The following KDELR1 variants were observed in gnomAD, a reference collection of about 807,000 sequenced individuals.
KDELR1 encodes the protein ER lumen protein-retaining receptor 1.
KDELR1 carries 16 observed loss-of-function variants against 25.5 expected under a neutral mutation model. The ratio of observed to expected loss-of-function variants is 0.63; its 90% confidence interval spans 0.43 to 0.95. The LOEUF (loss-of-function observed/expected upper bound fraction) is 0.95. Ranked by LOEUF, KDELR1 falls within the 40% of genes least tolerant of loss-of-function variation. The pLI is 0.00. For missense variants in KDELR1, 159 were observed against 265.2 expected, an observed-to-expected ratio of 0.60 and a Z score of 2.78; for synonymous variants, 121 against 115.0, an observed-to-expected ratio of 1.05 and a Z score of -0.33.
intron 3 of KDELR1, chr19:48,387,701 A>AAAAAG: frequency 6.6e-6 from 1 of 152,044 alleles, no homozygotes; most frequent in Admixed American, 6.6e-5. Context: ...AAAAAAAAAA[A>AAAAAG]AAAAGAAATA....
At position 48,391,290 on chromosome 19, in the gene KDELR1, GATTT is replaced by G; in HGVS notation, c.65_68del (p.Lys22ThrfsTer41). On this transcript the variant is annotated frameshift_variant, in exon 1 of 5. Transcript: ENST00000330720. LOFTEE classifies it high-confidence loss of function. ...CACCGGCGCACGAGCGGGACTTCCA[GATTT>G]TGAGCAGTAGCAAGATGATGGCGAG... The G allele has an allele frequency of 6.4e-7, 1 of 1,557,910 alleles. No individual in the cohort carries two copies. Among genetic ancestry groups the G allele is most frequent in the Non-Finnish European group, 8.7e-7 (1 of 1,150,584 alleles).
upstream of KDELR1, among the ~76,000 whole-genome samples, chr19:48,395,651 T>C (rs1970630610): frequency 6.6e-6 from 1 of 151,980 alleles, no homozygotes; most frequent in Admixed American, 6.6e-5. Flanking sequence ...TAGGAATTTC[T>C]GGCACCCTCC....
At chr19:48,390,577 G>GAGAGAGAGAGAGAGAGAC (rs1555890422) in intron 1 of KDELR1, 53 bp from the exon 2 acceptor site, 134 of 980,278 alleles carry the variant, frequency 1.4e-4, no homozygotes, top group East Asian at 1.1e-3. Context: ...GAGAGAGAGA[G>GAGAGAGAGAGAGAGAGAC]AGACAGACAG....
In KDELR1 at chr19:48,384,592, T is replaced by A. The variant is rs1037626285; in HGVS notation, c.352-110A>T. ...GCGAAGGTGGAGAGAAGGAAGGTGA[T>A]CCAGGTGCTGCCAAGTGCCAGACAC... On this transcript the variant is annotated intron_variant, in intron 3 of 4. Transcript: ENST00000330720. The surrounding 1 kb of genome is among the most constrained non-coding windows in gnomAD (Gnocchi z 4.6). 75 of 1,362,158 alleles carry A rather than the reference T, an allele frequency of 5.5e-5. No individual in the cohort carries two copies. Among genetic ancestry groups the A allele is most frequent in the Admixed American group, 1.3e-4 (6 of 46,334 alleles). 84.4% of individuals were successfully genotyped at this position (1,362,158 alleles called of 1,614,324 possible).
At chr19:48,390,985 G>T in intron 1 of KDELR1, 1 of 519,502 alleles carries the variant, frequency 1.9e-6, no homozygotes, top group East Asian at 3.6e-5. Context: ...CGCCTGCCAT[G>T]GTTCCCTGTT....
At chr19:48,392,495 CT>C (rs1156324114), upstream of KDELR1, among the ~76,000 whole-genome samples, 1 of 152,204 alleles carries the variant, frequency 6.6e-6, no homozygotes. Flanking sequence ...TCCTAGGACG[CT>C]GTTCCTTGGA....
chr19:48,391,018 T>C (rs1367837869), intron 1 of KDELR1, among the ~76,000 whole-genome samples: 3 of 151,872 alleles, frequency 2.0e-5, no homozygotes, highest in African/African-American at 4.8e-5. Context: ...ACCCTCGGGC[T>C]GCCCAGATTG....
chr19:48,397,237 G>A, the KDELR1 span, among the ~76,000 whole-genome samples: 8,468 of 152,182 alleles, frequency 0.056, 371 homozygotes, highest in East Asian at 0.2. Flanking sequence ...AGGGTGAGGA[G>A]TAAGGTCATG....
upstream of KDELR1, among the ~76,000 whole-genome samples, chr19:48,392,789 C>T (rs1970575305): frequency 6.6e-6 from 1 of 152,208 alleles, no homozygotes; most frequent in South Asian, 2.1e-4. Context: ...CACACACCCT[C>T]TTCCACCCTC....
intron 3 of KDELR1, among the ~76,000 whole-genome samples, chr19:48,388,931 G>GAAGGAAA (rs1555890279): frequency 0.19 from 27,753 of 146,102 alleles, 3,255 homozygotes; most frequent in African/African-American, 0.3. Context: ...AAAGAAAGAA[G>GAAGGAAA]GAAAGAAAGA....
At chr19:48,391,603 A>AGGGC (rs1970554928), upstream of KDELR1, 1 of 515,068 alleles carries the variant, frequency 1.9e-6, no homozygotes, top group African/African-American at 1.9e-5. Context: ...TCCGCCCCCG[A>AGGGC]GGGCGGGGCC....
Position 48,384,477 on chromosome 19 carries a change from G to C in KDELR1, c.357C>G (p.Leu119=), listed in dbSNP as rs767062278. 1.1e-5 allele frequency: 18 copies of C among 1,612,772 alleles called. No individual in the cohort carries two copies. In the South Asian group the frequency reaches 2.0e-4, roughly 18 times the overall value. ...VNHDFTPLEI[L]WTFSIYLESV... ...ACTCCAGGTAGATGGAGAAGGTCCA[G>C]AGGATCTGCAGAGAGGCCGGGGACA... Residue 119 remains leucine, a synonymous_variant, in exon 4 of 5, where the codon CTC becomes CTG. Transcript: ENST00000330720. This position sits in a 1 kb window ranked among gnomAD's most constrained non-coding sequence, Gnocchi z 4.6.
At position 48,384,305 on chromosome 19, in the gene KDELR1, C is replaced by G; in HGVS notation, c.529G>C (p.Asp177His). 1.2e-6 allele frequency: 2 copies of G among 1,614,180 alleles called. No individual in the cohort carries two copies. Among genetic ancestry groups the G allele is most frequent in the Non-Finnish European group, 1.7e-6 (2 of 1,180,034 alleles). Reference sequence around the variant, plus strand: ...AGGCCTGCCACAATGGCGATGAGGTCGAAGAAGCCCTCGAAATGGTAGCGC... The same window carrying G: ...AGGCCTGCCACAATGGCGATGAGGTGGAAGAAGCCCTCGAAATGGTAGCGC... ...IWRYHFEGFF[D>H]LIAIVAGLVQ... The change falls in exon 4 of 5, where the codon GAC becomes CAC. Residue 177 changes from aspartate to histidine, a missense_variant. By Grantham distance (81) the Asp-to-His change is moderately conservative (BLOSUM62 -1). Coordinates refer to ENST00000330720, the MANE Select transcript of KDELR1 (RefSeq NM_006801.3). The surrounding 1 kb of genome is among the most constrained non-coding windows in gnomAD (Gnocchi z 4.6).
At chr19:48,394,460 T>TG (rs934981648), upstream of KDELR1, among the ~76,000 whole-genome samples, 5 of 20,400 alleles carry the variant, frequency 2.5e-4, no homozygotes, top group African/African-American at 9.1e-4. The surrounding 1 kb of genome is among the most constrained non-coding windows in gnomAD (Gnocchi z 5.1). Flanking sequence ...GAAGGGGGGG[T>TG]GGGGGGGCTG....
At chr19:48,397,230 G>T in the KDELR1 span, among the ~76,000 whole-genome samples, 1 of 152,116 alleles carries the variant, frequency 6.6e-6, no homozygotes, top group African/African-American at 2.4e-5. Flanking sequence ...TGTGGTCAGG[G>T]TGAGGAGTAA....
Position 48,383,037 on chromosome 19 carries a change from C to T in KDELR1, c.*256G>A. ...GCCACAGAGTAGAAGAAAAACGAGT[C>T]ATCAGAATCAAAAACTAAAGAGTGG... is the stretch of plus-strand genomic sequence containing the variant. On this transcript the variant is annotated 3_prime_UTR_variant, in exon 5 of 5. Transcript: ENST00000330720. The T allele has an allele frequency of 7.2e-6, 4 of 554,748 alleles. No individual in the cohort carries two copies. 34.4% of individuals were successfully genotyped at this position (554,748 alleles called of 1,614,324 possible).
At chr19:48,393,833 C>T (rs1231339393), upstream of KDELR1, among the ~76,000 whole-genome samples, 4 of 152,116 alleles carry the variant, frequency 2.6e-5, no homozygotes, top group East Asian at 7.8e-4. The surrounding 1 kb of genome is among the most constrained non-coding windows in gnomAD (Gnocchi z 5.6). Context: ...GTCGGCCCGG[C>T]CCCCAGGGGT....
chr19:48,389,475 G>A, intron 3 of KDELR1, 78 bp downstream of exon 3: 3 of 1,547,670 alleles, frequency 1.9e-6, no homozygotes, highest in Middle Eastern at 4.4e-4. Flanking sequence ...GCAGAAGGAA[G>A]CCTGTGAGAG....
upstream of KDELR1, chr19:48,391,633 A>G (rs1465175339): frequency 2.1e-6 from 1 of 470,106 alleles, no homozygotes. Flanking sequence ...GGCGCCCCCT[A>G]TCGCCCACCT....
Sources: allele counts gnomAD v4.1 joint callset (sites outside exome capture counted in the v4.1 genomes callset), GRCh38; gene constraint gnomAD v4.1.1; non-coding constraint Gnocchi (gnomAD v3.1); transcripts MANE v1.5; gene names NCBI Gene and HGNC (gene_info 2026-07-23, HGNC 2026-07-21).